Variants in CFAP206 observed in about 807,000 individuals in gnomAD.
The protein encoded by CFAP206 is cilia- and flagella-associated protein 206.
Under a neutral mutation model 65.4 loss-of-function variants are expected in CFAP206, and 53 were observed. That is an observed-to-expected ratio of 0.81 (90% CI 0.65 to 1.02). CFAP206 has a LOEUF of 1.02. CFAP206 is among the 50% of genes least tolerant of loss of function. The probability of loss-of-function intolerance (pLI) is 0.00; values close to 1 mark genes in which losing one functional copy is unlikely to be tolerated. For missense variants in CFAP206, 663 were observed against 753.2 expected (o/e 0.88, Z 1.40); for synonymous variants, 250 against 254.4 (o/e 0.98, Z 0.17).
chr6:87,461,092 A>G lies in CFAP206; in HGVS notation c.1565A>G (p.His522Arg). The change falls in exon 12 of 13, where the codon CAC becomes CGC. Residue 522 changes from histidine (H) to arginine (R), a missense_variant. Coordinates refer to ENST00000369562, the MANE Select transcript of CFAP206 (RefSeq NM_001031743.3). ...KCESSTQTNT[H>R]ILPPTIVRSY... ...GAAAGTAGCACACAGACGAATACAC[A>G]CATACTGCCACCAACGATTGTGAGA... is the stretch of plus-strand genomic sequence containing the variant. 1 of 1,594,496 alleles carries G rather than the reference A, an allele frequency of 6.3e-7. No individual in the cohort carries two copies. Among genetic ancestry groups the G allele is most frequent in the South Asian group, 1.1e-5 (1 of 87,076 alleles).
chr6:87,463,853 A>G (rs745780879), intron 12 of CFAP206, among the ~76,000 whole-genome samples, 167 bp from the exon 13 acceptor site: 1 of 152,072 alleles, frequency 6.6e-6, no homozygotes, highest in East Asian at 1.9e-4. Context: ...TTAATTTTCT[A>G]TTATGTTCTA....
intron 7 of CFAP206, among the ~76,000 whole-genome samples, chr6:87,422,684 G>A (rs1199670568): frequency 6.6e-6 from 1 of 151,466 alleles, no homozygotes; most frequent in Admixed American, 6.6e-5. Context: ...GCGGAGGGTG[G>A]AGGCTGCAGT....
rs961832047 is a variant in CFAP206, at chr6:87,449,353, C to G, written c.1495-11669C>G. On this transcript the variant is annotated intron_variant, in intron 11 of 12. Transcript: ENST00000369562. Reference sequence around the variant, plus strand: ...TTGGGAGGCTGAGGCAGGAGAATGGCATGAACCCAGGAGGCGAAGCTTGCA... The same window carrying G: ...TTGGGAGGCTGAGGCAGGAGAATGGGATGAACCCAGGAGGCGAAGCTTGCA... 8.3e-5 allele frequency among the ~76,000 whole-genome samples: 12 copies of G among 145,454 alleles called. No homozygotes were observed. The East Asian group carries it at 1.2e-3, about 15-fold the overall frequency.
At chr6:87,423,372 T>C (rs901798894) in intron 7 of CFAP206, among the ~76,000 whole-genome samples, 1 of 151,234 alleles carries the variant, frequency 6.6e-6, no homozygotes, top group African/African-American at 2.4e-5. Flanking sequence ...CCTCAGCCTC[T>C]CGAGTAGCTG....
intron 9 of CFAP206, among the ~76,000 whole-genome samples, chr6:87,430,252 G>A (rs1167050162): frequency 2.0e-5 from 3 of 152,172 alleles, no homozygotes; most frequent in African/African-American, 7.2e-5. Context: ...CCACAAGATC[G>A]TTTGTGGTGC....
At chr6:87,416,480 ACT>A (rs1393253684) in intron 5 of CFAP206, among the ~76,000 whole-genome samples, 187 bp from the exon 6 acceptor site, 2 of 152,286 alleles carry the variant, frequency 1.3e-5, no homozygotes, top group Admixed American at 1.3e-4. Flanking sequence ...CAATGGCATA[ACT>A]CTCAGTAATC....
rs763448560 is a variant in CFAP206 at position 87,416,635 on chromosome 6, TG to T, written c.473-33del. 17 of 1,547,990 alleles carry T rather than the reference TG, an allele frequency of 1.1e-5. No homozygotes were observed. In the African/African-American group the frequency reaches 1.9e-4, roughly 18 times the overall value. On this transcript the variant is annotated intron_variant, in intron 5 of 12. Coordinates refer to ENST00000369562, the MANE Select transcript of CFAP206 (RefSeq NM_001031743.3). The stretch of plus-strand genomic sequence containing the variant: ...GTCTGATATCTTTATTCTATCATTT[TG>T]TTTTCCTTTTTTTTTTTTCTGGTTT...
chr6:87,463,406 T>G (rs1024685465), intron 12 of CFAP206, among the ~76,000 whole-genome samples: 5 of 152,226 alleles, frequency 3.3e-5, no homozygotes, highest in Non-Finnish European at 7.3e-5. Context: ...TTCACTCACA[T>G]GCTATAATGC....
chr6:87,409,227 C>CT (rs71785518), intron 1 of CFAP206, among the ~76,000 whole-genome samples: 44,438 of 142,568 alleles, frequency 0.31, 7,035 homozygotes, highest in African/African-American at 0.41. Context: ...ACTGCTTAGC[C>CT]TTTTTTTTTT....
At chr6:87,426,280 C>T (rs193115512) in intron 7 of CFAP206, among the ~76,000 whole-genome samples, 75 of 152,266 alleles carry the variant, frequency 4.9e-4, no homozygotes, top group Middle Eastern at 3.4e-3. Context: ...TCTAAGAATA[C>T]CTGTATACAT....
intron 10 of CFAP206, among the ~76,000 whole-genome samples, chr6:87,433,124 C>G (rs1768186501): frequency 6.6e-6 from 1 of 152,238 alleles, no homozygotes; most frequent in South Asian, 2.1e-4. Flanking sequence ...TGGAAAAACT[C>G]TGCCTCCCAG....
chr6:87,413,529 T>C (rs1364604273), intron 3 of CFAP206, among the ~76,000 whole-genome samples: 2 of 152,136 alleles, frequency 1.3e-5, no homozygotes, highest in Non-Finnish European at 2.9e-5. Context: ...ACTATTCAGG[T>C]GTTAGCTACC....
intron 10 of CFAP206, among the ~76,000 whole-genome samples, chr6:87,434,350 T>A (rs6926689): frequency 3.3e-5 from 5 of 149,976 alleles, no homozygotes; most frequent in South Asian, 4.2e-4. Context: ...GAGCTGAGAC[T>A]GCGCCACTGC....
chr6:87,410,014 C>T, intron 2 of CFAP206, 67 bp downstream of exon 2: 1 of 1,093,798 alleles, frequency 9.1e-7, no homozygotes, highest in South Asian at 1.4e-5. Context: ...TGTCCATTTT[C>T]CCCTTTAAAT....
intron 3 of CFAP206, among the ~76,000 whole-genome samples, chr6:87,412,090 C>T (rs886220019): frequency 6.6e-6 from 1 of 152,174 alleles, no homozygotes; most frequent in African/African-American, 2.4e-5. Context: ...CCCCCCAATT[C>T]CCCAACTCAA....
chr6:87,454,593 C>T (rs1182906624), intron 11 of CFAP206, among the ~76,000 whole-genome samples: 1 of 151,892 alleles, frequency 6.6e-6, no homozygotes, highest in Non-Finnish European at 1.5e-5. Context: ...ATGCTGTAAT[C>T]CCAGCACTTT....
chr6:87,426,434 A>C (rs1768044869), intron 7 of CFAP206, 92 bp from the exon 8 acceptor site: 2 of 908,700 alleles, frequency 2.2e-6, no homozygotes, highest in African/African-American at 3.5e-5. Context: ...GCCTACTTTC[A>C]GAGGATGTGG....
intron 11 of CFAP206, among the ~76,000 whole-genome samples, chr6:87,450,762 C>T (rs1404243726): frequency 1.3e-5 from 2 of 152,000 alleles, no homozygotes; most frequent in African/African-American, 4.8e-5. Context: ...CTTTTTTAAA[C>T]ATCATACCAA....
chr6:87,408,622 C>T (rs926014583), intron 1 of CFAP206: 1 of 152,276 alleles, frequency 6.6e-6, no homozygotes, highest in South Asian at 2.1e-4. Flanking sequence ...CGGACTCTCC[C>T]ACTGACTGGC....
Sources: allele counts gnomAD v4.1 joint callset (sites outside exome capture counted in the v4.1 genomes callset), GRCh38; gene constraint gnomAD v4.1.1; transcripts MANE v1.5; gene names NCBI Gene and HGNC (gene_info 2026-07-23, HGNC 2026-07-21).